Variants in PAG1 observed in about 807,000 individuals in gnomAD.
The protein encoded by PAG1 is phosphoprotein associated with glycosphingolipid-enriched microdomains 1.
Under a neutral mutation model 31.7 loss-of-function variants are expected in PAG1, and 23 were observed. The ratio of observed to expected loss-of-function variants is 0.73; its 90% CI spans 0.52 to 1.03. PAG1 has a LOEUF of 1.03. Ranked by LOEUF, PAG1 falls within the 50% of genes least tolerant of loss-of-function variation. PAG1 has a pLI of 0.00. For synonymous variants in PAG1, 214 were observed against 210.3 expected, an observed-to-expected ratio of 1.02 and a Z score of -0.15; for missense variants, 473 against 540.7, an observed-to-expected ratio of 0.87 and a Z score of 1.24.
intron 3 of PAG1, among the ~76,000 whole-genome samples, chr8:81,000,816 T>A (rs772593439): frequency 7.2e-5 from 11 of 152,200 alleles, no homozygotes; most frequent in Non-Finnish European, 1.3e-4. Context: ...CAGCTGAACA[T>A]CTCCTGAGAA....
intron 1 of PAG1, among the ~76,000 whole-genome samples, chr8:81,071,341 G>C (rs2130970741): frequency 6.6e-6 from 1 of 152,330 alleles, no homozygotes; most frequent in South Asian, 2.1e-4. Context: ...CAGTAGAATG[G>C]TAAAGAACCC....
chr8:81,004,645 G>C (rs2130616805), intron 3 of PAG1, among the ~76,000 whole-genome samples: 1 of 152,252 alleles, frequency 6.6e-6, no homozygotes, highest in South Asian at 2.1e-4. Flanking sequence ...TGTGCAATCA[G>C]AACAAAAAAG....
In PAG1 at chr8:80,985,248, C is replaced by T; in HGVS notation, c.404G>A (p.Arg135Lys). 6.2e-7 allele frequency: 1 copy of T among 1,614,144 alleles called. No homozygotes were observed. The highest frequency in any genetic ancestry group is 8.5e-7 in the Non-Finnish European group (1 of 1,180,024). ...PKCHQSRELP[R>K]IPPESAVDTM... Reference sequence around the variant, plus strand: ...ATCCACTGCGCTCTCGGGAGGGATTCTGGGCAGCTCCCGACTCTGATGACA... The same window carrying T: ...ATCCACTGCGCTCTCGGGAGGGATTTTGGGCAGCTCCCGACTCTGATGACA... The change falls in exon 7 of 9, where the codon AGA becomes AAA. Residue 135 changes from arginine to lysine, a missense_variant. Arg to Lys is a conservative substitution (Grantham distance 26). Transcript: ENST00000220597.
chr8:81,090,071 T>C (rs1198061243), intron 1 of PAG1, among the ~76,000 whole-genome samples: 1 of 152,200 alleles, frequency 6.6e-6, no homozygotes, highest in Non-Finnish European at 1.5e-5. Flanking sequence ...CTAATGTAAA[T>C]GGTATTTTTA....
intron 1 of PAG1, among the ~76,000 whole-genome samples, chr8:81,073,838 C>A (rs764982196): frequency 6.6e-6 from 1 of 152,032 alleles, no homozygotes; most frequent in African/African-American, 2.4e-5. Context: ...GGGGAGTGGG[C>A]GCTGCTTTGA....
intron 1 of PAG1, among the ~76,000 whole-genome samples, chr8:81,103,279 G>C (rs1361115031): frequency 6.6e-6 from 1 of 152,026 alleles, no homozygotes; most frequent in Non-Finnish European, 1.5e-5. Context: ...GGTGCTTTGA[G>C]CAGACTAATA....
intron 6 of PAG1, among the ~76,000 whole-genome samples, chr8:80,986,537 T>C (rs1232702106): frequency 6.6e-6 from 1 of 152,218 alleles, no homozygotes; most frequent in Non-Finnish European, 1.5e-5. Flanking sequence ...GGGATCAGAC[T>C]GCCTGGTTCC....
chr8:81,049,372 A>G (rs1000125251), intron 2 of PAG1, among the ~76,000 whole-genome samples: 2 of 152,248 alleles, frequency 1.3e-5, no homozygotes, highest in Admixed American at 6.5e-5. Flanking sequence ...CATGTACACA[A>G]AAAGCTATTA....
chr8:80,995,321 G>C (rs555906647), intron 3 of PAG1, among the ~76,000 whole-genome samples: 1 of 152,198 alleles, frequency 6.6e-6, no homozygotes, highest in Admixed American at 6.5e-5. Flanking sequence ...TCCTATGTTT[G>C]ATTGTATGTA....
At chr8:80,978,127 G>T (rs1349838820) in intron 8 of PAG1, among the ~76,000 whole-genome samples, 1 of 152,132 alleles carries the variant, frequency 6.6e-6, no homozygotes. Flanking sequence ...CTGGTCATTT[G>T]CATGAGAACT....
In PAG1 at chr8:81,108,426, G is replaced by A. The variant is rs182184058; in HGVS notation, c.-234+3165C>T. On this transcript the variant is annotated intron_variant, in intron 1 of 8. Coordinates refer to ENST00000220597, the MANE Select transcript of PAG1 (RefSeq NM_018440.4). ...CTACAGGAAGAGTAGAACTCTCGAA[G>A]AGTTTTGATTTTTTTTTTAAAGCCA... Among the ~76,000 whole-genome samples, 308 of 152,282 alleles carry A rather than the reference G, an allele frequency of 2.0e-3. 1 individual carries two copies. The highest frequency in any genetic ancestry group is 3.7e-3 in the Non-Finnish European group (251 of 68,024).
chr8:81,109,717 C>T (rs1809745314), intron 1 of PAG1, among the ~76,000 whole-genome samples: 1 of 152,208 alleles, frequency 6.6e-6, no homozygotes. Flanking sequence ...GGCCCAACAG[C>T]TCTATGTCTA....
rs1188124287 is a variant in PAG1 at position 80,984,948 on chromosome 8, T to C, written c.704A>G (p.Lys235Arg). Residue 235 changes from lysine to arginine, a missense_variant, in exon 7 of 9, where the codon AAA (lysine) becomes AGA (arginine). Transcript: ENST00000220597. ...AEYASVDRNK[K>R]CRQSVNVESI... The stretch of plus-strand genomic sequence containing the variant: ...CTCTACATTAACACTTTGACGACAT[T>C]TTTTGTTTCTGTCCACCGAGGCATA... 1.2e-6 allele frequency: 2 copies of C among 1,614,020 alleles called. No individual in the cohort carries two copies. Among genetic ancestry groups the C allele is most frequent in the African/African-American group, 2.7e-5 (2 of 74,904 alleles).
intron 1 of PAG1, among the ~76,000 whole-genome samples, chr8:81,096,548 A>ACT (rs1465167253): frequency 1.3e-5 from 2 of 152,130 alleles, no homozygotes; most frequent in Admixed American, 1.3e-4. Flanking sequence ...TCCAGCAAAG[A>ACT]CTCTGCCATC....
At chr8:81,005,461 T>C (rs1807858466) in intron 3 of PAG1, among the ~76,000 whole-genome samples, 1 of 152,080 alleles carries the variant, frequency 6.6e-6, no homozygotes, top group Non-Finnish European at 1.5e-5. Flanking sequence ...CTGACATGGC[T>C]GAATGTGGAA....
chr8:81,000,882 C>T (rs866929726), intron 3 of PAG1, among the ~76,000 whole-genome samples: 64 of 152,176 alleles, frequency 4.2e-4, no homozygotes, highest in African/African-American at 1.4e-3. Flanking sequence ...CCTGTCAACT[C>T]CAGTAATCTC....
At chr8:81,037,543 C>T (rs1808481267) in intron 2 of PAG1, among the ~76,000 whole-genome samples, 1 of 152,146 alleles carries the variant, frequency 6.6e-6, no homozygotes, top group Non-Finnish European at 1.5e-5. Context: ...TTATAATGTG[C>T]AGCACGATGT....
chr8:81,030,334 T>C (rs928821658), intron 2 of PAG1, among the ~76,000 whole-genome samples: 1 of 152,204 alleles, frequency 6.6e-6, no homozygotes, highest in Non-Finnish European at 1.5e-5. Flanking sequence ...AAATTTTTAA[T>C]AAAAAAGCCA....
At chr8:81,062,341 T>C (rs1412561351) in intron 2 of PAG1, among the ~76,000 whole-genome samples, 1 of 152,244 alleles carries the variant, frequency 6.6e-6, no homozygotes, top group South Asian at 2.1e-4. Flanking sequence ...CTAATACTTG[T>C]CTAACAACAT....
Sources: allele counts gnomAD v4.1 joint callset (sites outside exome capture counted in the v4.1 genomes callset), GRCh38; gene constraint gnomAD v4.1.1; transcripts MANE v1.5; gene names NCBI Gene and HGNC (gene_info 2026-07-23, HGNC 2026-07-21).